The following CIDEB variants were observed in gnomAD, a reference collection of about 807,000 sequenced individuals.
CIDEB encodes the protein lipid transferase CIDEB.
CIDEB carries 27 observed loss-of-function variants against 22.4 expected under a neutral mutation model. That is an observed-to-expected ratio of 1.21 (90% CI 0.89 to 1.66). The LOEUF (loss-of-function observed/expected upper bound fraction) is 1.66, where lower values mean the gene tolerates loss of function less well. CIDEB is among the 40% of genes most tolerant of loss of function. The pLI is 0.00. For synonymous variants in CIDEB, 103 were observed against 109.5 expected (o/e 0.94, Z 0.37); for missense variants, 289 against 268.7 (o/e 1.08, Z -0.53).
upstream of CIDEB, chr14:24,310,345 A>G (rs1375877013): frequency 6.6e-6 from 4 of 601,960 alleles, no homozygotes; most frequent in Admixed American, 8.9e-5. Flanking sequence ...AGGAGGGGCC[A>G]GACTAGAGGA....
At position 24,305,389 on chromosome 14, in the gene CIDEB, C is replaced by G; in HGVS notation, c.*244G>C. ...TGCCTGGGGGACATCTTGATCTTGG[C>G]CTTTCAGGGCAAGTGGGAGGCCAGA... On this transcript the variant is annotated 3_prime_UTR_variant, in exon 5 of 5. Coordinates refer to ENST00000554411, the MANE Select transcript of CIDEB (RefSeq NM_001393339.1). The G allele has an allele frequency of 1.7e-6, 1 of 578,370 alleles. No homozygotes were observed. Among genetic ancestry groups the G allele is most frequent in the Non-Finnish European group, 2.9e-6 (1 of 345,346 alleles). 35.8% of individuals were successfully genotyped at this position (578,370 alleles called of 1,614,324 possible).
rs2139154750 is a variant in CIDEB at position 24,307,935 on chromosome 14, T to C, written c.-77A>G. ...CTGTGCTGGGGCTTTAGTGGTGTTT[T>C]CTGTTACAAACCTGGGATCTCAGCC... On this transcript the variant is annotated 5_prime_UTR_variant, in exon 1 of 5. Coordinates refer to ENST00000554411, the MANE Select transcript of CIDEB (RefSeq NM_001393339.1). The C allele has an allele frequency of 2.3e-6, 3 of 1,332,008 alleles. No individual in the cohort carries two copies. The highest frequency in any genetic ancestry group is 3.2e-6 in the Non-Finnish European group (3 of 946,920). 82.5% of individuals were successfully genotyped at this position (1,332,008 alleles called of 1,614,324 possible).
intron 3 of CIDEB, 23 bp from the exon 4 acceptor site, chr14:24,306,160 C>T (rs769510745): frequency 8.1e-6 from 13 of 1,606,202 alleles, no homozygotes; most frequent in Middle Eastern, 1.8e-4. Flanking sequence ...CTTGTCAGTG[C>T]AGTAGATCCT....
chr14:24,307,962 A>G lies in CIDEB; in HGVS notation c.-104T>C. On this transcript the variant is annotated 5_prime_UTR_variant, in exon 1 of 5. Coordinates refer to ENST00000554411, the MANE Select transcript of CIDEB (RefSeq NM_001393339.1). ...TGTTACAAACCTGGGATCTCAGCCC[A>G]GGACAAGGTGGGAATGAGTCAAGCC... The G allele has an allele frequency of 9.1e-7, 1 of 1,093,878 alleles. No individual in the cohort carries two copies. Among genetic ancestry groups the G allele is most frequent in the Admixed American group, 2.0e-5 (1 of 50,110 alleles). The allele number at this position is 1,093,878 out of a possible 1,614,324, so 67.8% of individuals were successfully genotyped here.
Position 24,307,343 on chromosome 14 carries a change from TAGGAACCG to T in CIDEB, c.186+20_186+27del. 1 of 1,601,488 alleles carries T rather than the reference TAGGAACCG, an allele frequency of 6.2e-7. No homozygotes were observed. Among genetic ancestry groups the T allele is most frequent in the Non-Finnish European group, 8.5e-7 (1 of 1,172,710 alleles). ...TGGAGCCCCTTGGCTACCCCTGCTATAGGAACCGAGGAACTTGGCCTACTTACTTTGGC... is the reference window on the plus strand; with the variant it reads ...TGGAGCCCCTTGGCTACCCCTGCTATAGGAACTTGGCCTACTTACTTTGGC... On this transcript the variant is annotated intron_variant, in intron 2 of 4. Coordinates refer to ENST00000554411, the MANE Select transcript of CIDEB (RefSeq NM_001393339.1).
At chr14:24,310,464 G>T, upstream of CIDEB, 1 of 706,124 alleles carries the variant, frequency 1.4e-6, no homozygotes, top group Non-Finnish European at 2.6e-6. Flanking sequence ...GGGAGCAGGG[G>T]ATCTGGGTTC....
upstream of CIDEB, chr14:24,311,360 C>T (rs771841597): frequency 4.4e-6 from 7 of 1,604,974 alleles, no homozygotes; most frequent in Admixed American, 1.2e-4. Context: ...TCGTGCTTGC[C>T]TTCGGCTTGC....
At chr14:24,305,848 C>A in intron 4 of CIDEB, 83 bp from the exon 5 acceptor site, 2 of 1,586,640 alleles carry the variant, frequency 1.3e-6, no homozygotes, top group Non-Finnish European at 1.7e-6. Flanking sequence ...GGACTTTCCA[C>A]AAGCAAGAGC....
In CIDEB at chr14:24,305,610, TG is replaced by T. The variant is rs2041473658; in HGVS notation, c.*22del. The stretch of plus-strand genomic sequence containing the variant: ...TGCAGTGGGTCGGTTGGAATGATTC[TG>T]GGGGCAGAAGCTCAGAGCCCCTTAG... On this transcript the variant is annotated 3_prime_UTR_variant, in exon 5 of 5. Coordinates refer to ENST00000554411, the MANE Select transcript of CIDEB (RefSeq NM_001393339.1). 6.2e-7 allele frequency: 1 copy of T among 1,603,786 alleles called. No homozygotes were observed. The highest frequency in any genetic ancestry group is 8.5e-7 in the Non-Finnish European group (1 of 1,175,522).
upstream of CIDEB, chr14:24,308,112 G>C (rs2041576796): frequency 1.8e-6 from 1 of 554,790 alleles, no homozygotes; most frequent in Non-Finnish European, 3.3e-6. Flanking sequence ...TTGTATGTGT[G>C]TCTTTGGTGA....
At position 24,305,786 on chromosome 14, in the gene CIDEB, G is replaced by A. The variant is rs556078128; in HGVS notation, c.528-21C>T. Reference sequence around the variant, plus strand: ...GCTCCCTGAATGGCAGAGACAAGAGGAAATCAGATGATTTGGAAAACTTGG... The same window carrying A: ...GCTCCCTGAATGGCAGAGACAAGAGAAAATCAGATGATTTGGAAAACTTGG... On this transcript the variant is annotated intron_variant, in intron 4 of 4. Transcript: ENST00000554411. The A allele has an allele frequency of 4.3e-6, 7 of 1,609,244 alleles. No homozygotes were observed. In the African/African-American group the frequency reaches 9.4e-5, roughly 21 times the overall value.
upstream of CIDEB, chr14:24,308,108 G>A (rs894311602): frequency 1.8e-6 from 1 of 559,582 alleles, no homozygotes; most frequent in Non-Finnish European, 3.2e-6. Context: ...GAGCTTGTAT[G>A]TGTGTCTTTG....
At chr14:24,306,934 A>G (rs979215197) in intron 2 of CIDEB, 2 of 269,568 alleles carry the variant, frequency 7.4e-6, no homozygotes, top group African/African-American at 4.3e-5. Flanking sequence ...TGTGCCAGGT[A>G]TGAGGACTTT....
At position 24,306,034 on chromosome 14, in the gene CIDEB, A is replaced by C; in HGVS notation, c.440T>G (p.Phe147Cys). The C allele has an allele frequency of 6.2e-7, 1 of 1,614,176 alleles. No individual in the cohort carries two copies. Residue 147 changes from phenylalanine to cysteine, a missense_variant, in exon 4 of 5, where the codon TTT becomes TGT. By Grantham distance (205) the Phe-to-Cys change is radical (BLOSUM62 -2). Transcript: ENST00000554411. ...TGTGGCTTTGACATTCAGGCTGCCA[A>C]AGAGGTCTCGAGGGTTTTGCTTGTA... ...DVYKQNPRDL[F>C]GSLNVKATFY...
upstream of CIDEB, chr14:24,310,880 G>A (rs1209767580): frequency 6.3e-7 from 1 of 1,592,654 alleles, no homozygotes; most frequent in Admixed American, 1.7e-5. Flanking sequence ...GCGCGGTGCT[G>A]CTGCTCACGC....
chr14:24,308,008 T>TG, upstream of CIDEB: 1 of 725,768 alleles, frequency 1.4e-6, no homozygotes, highest in Non-Finnish European at 2.4e-6. Flanking sequence ...CCCCCCTGCC[T>TG]GGCCAGTAAG....
chr14:24,308,803 C>T (rs904350248), upstream of CIDEB: 14 of 152,212 alleles, frequency 9.2e-5, no homozygotes, highest in African/African-American at 3.4e-4. Flanking sequence ...TGTAGGGTCC[C>T]CCAGCTTCCC....
Position 24,305,683 on chromosome 14 carries a change from C to G in CIDEB, c.610G>C (p.Val204Leu). The change falls in exon 5 of 5, where the codon GTG (valine) becomes CTG (leucine). Residue 204 changes from valine (V) to leucine (L), a missense_variant. Coordinates refer to ENST00000554411, the MANE Select transcript of CIDEB (RefSeq NM_001393339.1). ...TGCTGCCACTGCTCAGCCCCCTCCA[C>G]TGCATGACGAAGGGTGGAGGAAATT... The part of the protein sequence containing the change: ...LGISSTLRHA[V>L]EGAEQWQQKG... 6 of 1,614,216 alleles carry G rather than the reference C, an allele frequency of 3.7e-6. No individual in the cohort carries two copies. Among genetic ancestry groups the G allele is most frequent in the Non-Finnish European group, 5.1e-6 (6 of 1,180,030 alleles).
At chr14:24,307,209 C>G (rs571955853) in intron 2 of CIDEB, 162 bp downstream of exon 2, 1 of 695,370 alleles carries the variant, frequency 1.4e-6, no homozygotes, top group Non-Finnish European at 2.3e-6. Flanking sequence ...GGAAAATGAA[C>G]AAATTGACCA....
Sources: allele counts gnomAD v4.1 joint callset, GRCh38; gene constraint gnomAD v4.1.1; transcripts MANE v1.5; gene names NCBI Gene and HGNC (gene_info 2026-07-23, HGNC 2026-07-21).